CCDC39: variants seen among roughly 807,000 people sequenced by gnomAD.
CCDC39 encodes the protein coiled-coil domain-containing protein 39.
CCDC39 carries 113 observed loss-of-function variants against 121.0 expected under a neutral mutation model. That is an observed-to-expected ratio of 0.93 (90% CI 0.80 to 1.09). The LOEUF (loss-of-function observed/expected upper bound fraction) is 1.09, where lower values mean the gene tolerates loss of function less well. CCDC39 is among the 50% of genes least tolerant of loss of function. The probability of loss-of-function intolerance (pLI) is 0.00; values close to 1 mark genes in which losing one functional copy is unlikely to be tolerated. For synonymous variants in CCDC39, 349 were observed against 352.2 expected, an observed-to-expected ratio of 0.99 and a Z score of 0.10; for missense variants, 1,063 against 1,074.7, an observed-to-expected ratio of 0.99 and a Z score of 0.15.
rs529084832 is a variant in CCDC39 at position 180,651,605 on chromosome 3, A to G, written c.1035-72T>C. On this transcript the variant is annotated intron_variant, in intron 8 of 19. Coordinates refer to ENST00000476379, the MANE Select transcript of CCDC39 (RefSeq NM_181426.2). The stretch of plus-strand genomic sequence containing the variant: ...ATTTCATACAAACAAATAATAGTTT[A>G]TCCTAATATTTATTTGTATAACTTG... 1.0e-4 allele frequency: 143 copies of G among 1,362,470 alleles called. No homozygotes were observed. In the African/African-American group the frequency reaches 1.9e-3, roughly 18 times the overall value. The allele number at this position is 1,362,470 out of a possible 1,614,324, so 84.4% of individuals were successfully genotyped here.
chr3:180,678,990 C>A (rs937795775), intron 1 of CCDC39, among the ~76,000 whole-genome samples: 1 of 152,114 alleles, frequency 6.6e-6, no homozygotes, highest in African/African-American at 2.4e-5. Context: ...CCGGAACCAG[C>A]CTTTCCTCTC....
rs111430227 is a variant in CCDC39 at position 180,624,908 on chromosome 3, T to G, written c.1999-4938A>C. Among the ~76,000 whole-genome samples the G allele has an allele frequency of 7.2e-3, 1,091 of 152,324 alleles. 24 individuals are homozygous for G. The highest frequency in any genetic ancestry group is 0.024 in the African/African-American group (987 of 41,580). ...TGCTGTTATTCTGATGGGGTTTCCTTTATAGGTGACTAGATGCTTTTCTCT... is the reference window on the plus strand; with the variant it reads ...TGCTGTTATTCTGATGGGGTTTCCTGTATAGGTGACTAGATGCTTTTCTCT... On this transcript the variant is annotated intron_variant, in intron 14 of 19. Transcript: ENST00000476379.
Position 180,614,720 on chromosome 3 carries a change from AAGAATCTGC to A in CCDC39, c.*192_*200del. The A allele has an allele frequency of 8.1e-6, 4 of 496,446 alleles. No homozygotes were observed. The highest frequency in any genetic ancestry group is 1.4e-5 in the Non-Finnish European group (4 of 285,550). The allele number at this position is 496,446 out of a possible 1,614,324, so 30.8% of individuals were successfully genotyped here. A position where few individuals can be genotyped will look rare whatever the true frequency, so the allele number is the denominator to read the frequency against. On this transcript the variant is annotated 3_prime_UTR_variant, in exon 20 of 20. Transcript: ENST00000476379. ...TGCTTGTATAACATGTAGCCTTGTC[AAGAATCTGC>A]TATTAATTTCTTCAGTATGAAGAAA...
intron 1 of CCDC39, among the ~76,000 whole-genome samples, chr3:180,676,630 A>T (rs1043445574): frequency 1.3e-5 from 2 of 152,314 alleles, no homozygotes; most frequent in African/African-American, 4.8e-5. Flanking sequence ...TGACCCAGCC[A>T]TCCCATTACT....
chr3:180,670,184 T>C (rs73885320), intron 1 of CCDC39, among the ~76,000 whole-genome samples: 5,765 of 152,176 alleles, frequency 0.038, 376 homozygotes, highest in African/African-American at 0.13. Flanking sequence ...TACACATTCA[T>C]AATTTGTTTT....
chr3:180,670,177 A>G (rs1352527558), intron 1 of CCDC39, among the ~76,000 whole-genome samples: 1 of 152,148 alleles, frequency 6.6e-6, no homozygotes, highest in Non-Finnish European at 1.5e-5. Flanking sequence ...TGGGAAATAC[A>G]CATTCATAAT....
Position 180,654,395 on chromosome 3 carries a change from G to A in CCDC39, c.930+367C>T, listed in dbSNP as rs531000043. On this transcript the variant is annotated intron_variant, in intron 7 of 19. Transcript: ENST00000476379. ...ACATTGGTATCTGTAATGATTTTTT[G>A]AATTTGACACCAAAATTACAGGCAA... Among the ~76,000 whole-genome samples, 7 of 151,492 alleles carry A rather than the reference G, an allele frequency of 4.6e-5. No individual in the cohort carries two copies. In the South Asian group the frequency reaches 1.5e-3, roughly 32 times the overall value.
At chr3:180,623,078 T>TTTA (rs60546376) in intron 14 of CCDC39, among the ~76,000 whole-genome samples, 18,917 of 144,838 alleles carry the variant, frequency 0.13, 1,481 homozygotes, top group African/African-American at 0.22. Context: ...TTTGGAGATT[T>TTTA]TTATTATTAT....
At chr3:180,621,668 T>G (rs1481871680) in intron 14 of CCDC39, among the ~76,000 whole-genome samples, 1 of 152,054 alleles carries the variant, frequency 6.6e-6, no homozygotes, top group Non-Finnish European at 1.5e-5. Context: ...TACAGATTTT[T>G]TTGTCACACA....
chr3:180,650,417 A>T (rs1163925552), intron 9 of CCDC39, among the ~76,000 whole-genome samples: 2 of 152,202 alleles, frequency 1.3e-5, no homozygotes, highest in Non-Finnish European at 2.9e-5. Context: ...AAACAGTGAT[A>T]ATCATGTAGA....
At chr3:180,617,627 A>G in intron 16 of CCDC39, 2 of 408,166 alleles carry the variant, frequency 4.9e-6, no homozygotes, top group Non-Finnish European at 8.7e-6. Flanking sequence ...AAAAGTAAAA[A>G]AACTAAAAAT....
intron 7 of CCDC39, 103 bp downstream of exon 7, chr3:180,654,659 A>C (rs1338390704): frequency 1.4e-5 from 10 of 717,888 alleles, no homozygotes; most frequent in Admixed American, 4.0e-5. Flanking sequence ...AAAAAAAAAA[A>C]CTAGAAGTAG....
Position 180,679,330 on chromosome 3 carries a change from G to T in CCDC39, c.51C>A (p.Ile17=). 1 of 1,613,882 alleles carries T rather than the reference G, an allele frequency of 6.2e-7. No homozygotes were observed. The highest frequency in any genetic ancestry group is 1.1e-5 in the South Asian group (1 of 91,076). The change falls in exon 1 of 20, where the codon ATC becomes ATA. Residue 17 remains isoleucine, a synonymous_variant. Transcript: ENST00000476379. This position sits in a 1 kb window ranked among gnomAD's most constrained non-coding sequence, Gnocchi z 4.0. ...AELHWEDGFA[I]PVANEENKLL... ...GCTTGTTCTCCTCGTTCGCCACCGG[G>T]ATGGCGAACCCATCCTCCCAGTGCA...
In CCDC39 at chr3:180,659,662, C is replaced by T; in HGVS notation, c.609+15G>A. ...ACCTTGAAAATTAAGAAATAAAAAT[C>T]TTCCTTAAACTAACCTGTGCGCTTA... On this transcript the variant is annotated intron_variant, in intron 5 of 19. Transcript: ENST00000476379. 6.2e-7 allele frequency: 1 copy of T among 1,602,046 alleles called. No individual in the cohort carries two copies. Among genetic ancestry groups the T allele is most frequent in the South Asian group, 1.1e-5 (1 of 88,742 alleles).
chr3:180,676,501 T>C (rs1712211006), intron 1 of CCDC39, among the ~76,000 whole-genome samples: 1 of 152,244 alleles, frequency 6.6e-6, no homozygotes. Context: ...CAACAGGTGC[T>C]GGAAAGGATG....
rs1307044386 is a variant in CCDC39 at position 180,652,368 on chromosome 3, T to A, written c.931-102A>T. On this transcript the variant is annotated intron_variant, in intron 7 of 19. Transcript: ENST00000476379. ...TGCCCACTTTAAGTTCTAACCTACA[T>A]CACACCCACAAAAGTAGTAGCCATT... The A allele has an allele frequency of 6.5e-6, 4 of 611,688 alleles. No individual in the cohort carries two copies. The East Asian group carries it at 1.3e-4, about 20-fold the overall frequency. The allele number at this position is 611,688 out of a possible 1,614,324, so 37.9% of individuals were successfully genotyped here. A position where few individuals can be genotyped will look rare whatever the true frequency, so the allele number is the denominator to read the frequency against.
intron 3 of CCDC39, among the ~76,000 whole-genome samples, chr3:180,661,497 T>C (rs144351199): frequency 1.6e-4 from 25 of 152,166 alleles, no homozygotes; most frequent in Admixed American, 9.2e-4. Context: ...TAAATCAATA[T>C]GAAAGGTCAA....
At chr3:180,648,085 T>A in intron 10 of CCDC39, 80 bp downstream of exon 10, 1 of 1,177,982 alleles carries the variant, frequency 8.5e-7, no homozygotes, top group South Asian at 1.4e-5. Context: ...TAATTCTTTG[T>A]TTTCTTAGAA....
At chr3:180,625,269 G>A (rs1394315228) in intron 14 of CCDC39, among the ~76,000 whole-genome samples, 2 of 147,038 alleles carry the variant, frequency 1.4e-5, no homozygotes, top group African/African-American at 5.0e-5. Flanking sequence ...TAAAAGACCT[G>A]TCTTCAAGGT....
Sources: allele counts gnomAD v4.1 joint callset (sites outside exome capture counted in the v4.1 genomes callset), GRCh38; gene constraint gnomAD v4.1.1; non-coding constraint Gnocchi (gnomAD v3.1); transcripts MANE v1.5; gene names NCBI Gene and HGNC (gene_info 2026-07-23, HGNC 2026-07-21).